The following STAU2 variants were observed in gnomAD, a reference collection of about 807,000 sequenced individuals.
STAU2 encodes double-stranded RNA-binding protein Staufen homolog 2.
A neutral mutation model predicts 65.9 loss-of-function variants in STAU2; 20 were observed. The ratio of observed to expected loss-of-function variants is 0.30; its 90% CI spans 0.21 to 0.44. The LOEUF (loss-of-function observed/expected upper bound fraction) is 0.44, where lower values mean the gene tolerates loss of function less well. Ranked by LOEUF, STAU2 falls within the 20% of genes least tolerant of loss-of-function variation. The pLI is 1.00. For synonymous variants in STAU2, 232 were observed against 233.9 expected (o/e 0.99, Z 0.07); for missense variants, 558 against 683.9 (o/e 0.82, Z 2.05).
intron 4 of STAU2, among the ~76,000 whole-genome samples, chr8:73,708,302 C>T (rs1181975610): frequency 6.6e-6 from 1 of 152,098 alleles, no homozygotes; most frequent in Non-Finnish European, 1.5e-5. Flanking sequence ...ACATTATATA[C>T]AAATTTTATG....
chr8:73,433,556 A>C (rs1271641287), intron 13 of STAU2, among the ~76,000 whole-genome samples: 1 of 147,386 alleles, frequency 6.8e-6, no homozygotes, highest in Non-Finnish European at 1.5e-5. Context: ...GCTAGAGTGC[A>C]GTGGCACAAT....
chr8:73,634,068 T>C (rs1294738848), intron 6 of STAU2, among the ~76,000 whole-genome samples: 3 of 152,190 alleles, frequency 2.0e-5, no homozygotes, highest in Non-Finnish European at 1.5e-5. Context: ...AATGATTTTA[T>C]GCATATGAGA....
rs564484730 is a variant in STAU2 at position 73,702,493 on chromosome 8, A to G, written c.114+6539T>C. Among the ~76,000 whole-genome samples the G allele has an allele frequency of 9.2e-5, 14 of 152,256 alleles. No individual in the cohort carries two copies. In the East Asian group the frequency reaches 2.1e-3, roughly 23 times the overall value. On this transcript the variant is annotated intron_variant, in intron 4 of 14. Coordinates refer to ENST00000524300, the MANE Select transcript of STAU2 (RefSeq NM_001164380.2). ...ACCAAATACGTTGTATGCATTGGGT[A>G]TACCAAAATATCTCATGTACTTCAT...
At chr8:73,652,702 G>A (rs944650173) in intron 6 of STAU2, 3 of 149,894 alleles carry the variant, frequency 2.0e-5, no homozygotes, top group Non-Finnish European at 4.4e-5. Flanking sequence ...TCCAGCCTAG[G>A]TGACAGAGCA....
chr8:73,561,861 GA>G (rs1458225607), intron 12 of STAU2, among the ~76,000 whole-genome samples: 1 of 152,114 alleles, frequency 6.6e-6, no homozygotes, highest in African/African-American at 2.4e-5. Context: ...AAGAAGTAGG[GA>G]CTATGAATAT....
chr8:73,543,762 A>G (rs1312195971), intron 13 of STAU2, among the ~76,000 whole-genome samples: 1 of 152,196 alleles, frequency 6.6e-6, no homozygotes, highest in Non-Finnish European at 1.5e-5. Flanking sequence ...GAATTCATGA[A>G]TAAATGAATC....
intron 4 of STAU2, among the ~76,000 whole-genome samples, chr8:73,700,396 T>C (rs1032093062): frequency 7.2e-5 from 11 of 152,100 alleles, no homozygotes; most frequent in Non-Finnish European, 5.9e-5. Context: ...TGTTTGCAGA[T>C]GATATGATCT....
intron 13 of STAU2, among the ~76,000 whole-genome samples, chr8:73,479,705 A>AAATAC (rs5892421): frequency 0.77 from 115,599 of 149,896 alleles, 45,019 homozygotes; most frequent in East Asian, 0.95. Context: ...AGATACACTT[A>AAATAC]AATATACGTG....
At chr8:73,651,856 A>C (rs1815906009) in intron 6 of STAU2, among the ~76,000 whole-genome samples, 2 of 152,254 alleles carry the variant, frequency 1.3e-5, no homozygotes, top group South Asian at 4.1e-4. Flanking sequence ...GCACCTACCC[A>C]GAGAACTCAG....
At chr8:73,694,849 T>C (rs919373963) in intron 4 of STAU2, among the ~76,000 whole-genome samples, 7 of 152,198 alleles carry the variant, frequency 4.6e-5, no homozygotes, top group African/African-American at 1.7e-4. Context: ...TGCTGCCCTG[T>C]CACAGCAGAC....
rs71269927 is a variant in STAU2 at position 73,649,869 on chromosome 8, T to TTATTTATATATATATATA, written c.410+23237_410+23238insTATATATATATATAAATA. Among the ~76,000 whole-genome samples, 7 of 71,626 alleles carry TTATTTATATATATATATA rather than the reference T, an allele frequency of 9.8e-5. 1 individual carries two copies. Among genetic ancestry groups the TTATTTATATATATATATA allele is most frequent in the Admixed American group, 1.7e-4 (1 of 5,992 alleles). 47.0% of individuals were successfully genotyped at this position (71,626 alleles called of 152,430 possible). On this transcript the variant is annotated intron_variant, in intron 6 of 14. Transcript: ENST00000524300. ...TAGTATATATGTCTTCTATATAATT[T>TTATTTATATATATATATA]TATATATATATATATATATATATAT...
At chr8:73,501,598 T>G (rs768379485) in intron 13 of STAU2, among the ~76,000 whole-genome samples, 11 of 151,824 alleles carry the variant, frequency 7.2e-5, no homozygotes, top group Non-Finnish European at 1.3e-4. Context: ...TAGGTCAGAG[T>G]TTCCTGAGCA....
At chr8:73,534,853 A>G (rs947798765) in intron 13 of STAU2, among the ~76,000 whole-genome samples, 4 of 152,194 alleles carry the variant, frequency 2.6e-5, no homozygotes, top group African/African-American at 9.7e-5. Flanking sequence ...TCTAAATGCA[A>G]TATGCTTGTC....
chr8:73,717,688 C>A (rs1821350385), intron 3 of STAU2, among the ~76,000 whole-genome samples: 1 of 152,104 alleles, frequency 6.6e-6, no homozygotes, highest in Non-Finnish European at 1.5e-5. Flanking sequence ...CGCTCTGTCG[C>A]CCAGGCTGGA....
intron 12 of STAU2, among the ~76,000 whole-genome samples, chr8:73,575,216 T>C (rs6651282): frequency 0.13 from 19,759 of 151,152 alleles, 1,532 homozygotes; most frequent in Non-Finnish European, 0.18. Context: ...AGAAAAAGTA[T>C]AGAAATGGCT....
chr8:73,432,373 C>G (rs923000664), intron 13 of STAU2, among the ~76,000 whole-genome samples: 2 of 152,174 alleles, frequency 1.3e-5, no homozygotes, highest in Non-Finnish European at 2.9e-5. Flanking sequence ...TTTCTCATCC[C>G]AGCAATCTCT....
At chr8:73,686,140 C>T (rs1004674140) in intron 5 of STAU2, among the ~76,000 whole-genome samples, 12 of 152,180 alleles carry the variant, frequency 7.9e-5, no homozygotes, top group African/African-American at 2.9e-4. Flanking sequence ...ATGGGCCGGG[C>T]GCGGTGGCTC....
chr8:73,477,892 A>G (rs1820398192), intron 13 of STAU2, among the ~76,000 whole-genome samples: 1 of 152,164 alleles, frequency 6.6e-6, no homozygotes, highest in South Asian at 2.1e-4. Context: ...GTTGAGATAA[A>G]AAGTTGAAAA....
intron 13 of STAU2, among the ~76,000 whole-genome samples, chr8:73,523,196 CAAAAAAAAA>C (rs763732188): frequency 2.5e-5 from 2 of 78,626 alleles, no homozygotes; most frequent in African/African-American, 1.0e-4. Context: ...ACTTTGTCTC[CAAAAAAAAA>C]AAAAAAAAAA....
Sources: gnomAD v4.1 joint callset for allele counts (sites outside exome capture counted in the v4.1 genomes callset) on GRCh38, gnomAD v4.1.1 for gene constraint, MANE v1.5 for transcripts, NCBI Gene and HGNC (gene_info 2026-07-23, HGNC 2026-07-21) for gene names.